Variants in CSMD3 observed in about 807,000 individuals in gnomAD.
CSMD3 encodes the protein CUB and sushi domain-containing protein 3.
In CSMD3, 177 loss-of-function variants were observed where a neutral mutation model predicts 435.2. The ratio of observed to expected loss-of-function variants is 0.41; its 90% CI spans 0.36 to 0.46. The LOEUF (loss-of-function observed/expected upper bound fraction) is 0.46, where lower values mean the gene tolerates loss of function less well. Among genes scored for constraint, CSMD3 ranks in the 20% least tolerant of loss-of-function variants. The pLI is 0.34. For synonymous variants in CSMD3, 1,656 were observed against 1,520.5 expected, an observed-to-expected ratio of 1.09 and a Z score of -2.07; for missense variants, 4,265 against 4,504.6, an observed-to-expected ratio of 0.95 and a Z score of 1.52.
chr8:112,545,342 G>A (rs915279701), intron 27 of CSMD3, among the ~76,000 whole-genome samples: 4 of 151,478 alleles, frequency 2.6e-5, no homozygotes, highest in African/African-American at 9.7e-5. Context: ...AATTATCTGG[G>A]CCTGGTGGCA....
rs193125522 is a variant in CSMD3, at chr8:112,977,899, C to T, written c.1031-1751G>A. ...CTAATATTTGATAATAATTTTTTAA[C>T]CACATGGTTAAGCAATAGCTATGCT... On this transcript the variant is annotated intron_variant, in intron 6 of 70. Coordinates refer to ENST00000297405, the MANE Select transcript of CSMD3 (RefSeq NM_198123.2). 7.9e-5 allele frequency among the ~76,000 whole-genome samples: 12 copies of T among 151,990 alleles called. No individual in the cohort carries two copies. The East Asian group carries it at 2.3e-3, about 29-fold the overall frequency.
At chr8:112,259,125 T>C (rs1206233338) in intron 61 of CSMD3, among the ~76,000 whole-genome samples, 1 of 152,066 alleles carries the variant, frequency 6.6e-6, no homozygotes, top group Non-Finnish European at 1.5e-5. Context: ...ATCATTCTAC[T>C]ATAAAGACAC....
At chr8:113,033,772 TG>T (rs2087224962) in intron 5 of CSMD3, among the ~76,000 whole-genome samples, 1 of 151,228 alleles carries the variant, frequency 6.6e-6, no homozygotes, top group Admixed American at 6.6e-5. Context: ...TGGGAGGGTC[TG>T]GGGTGGAATA....
intron 7 of CSMD3, among the ~76,000 whole-genome samples, chr8:112,957,509 AGT>A (rs1161965873): frequency 6.6e-6 from 1 of 152,162 alleles, no homozygotes; most frequent in African/African-American, 2.4e-5. Flanking sequence ...GCTGGAGTGC[AGT>A]GGCGCGATCT....
At chr8:112,475,599 C>G (rs1393180697) in intron 31 of CSMD3, among the ~76,000 whole-genome samples, 1 of 151,966 alleles carries the variant, frequency 6.6e-6, no homozygotes, top group Non-Finnish European at 1.5e-5. Flanking sequence ...ATTTGTTTTA[C>G]CTTAGGTTGG....
At chr8:112,562,552 A>C (rs1165588806) in intron 24 of CSMD3, among the ~76,000 whole-genome samples, 1 of 151,344 alleles carries the variant, frequency 6.6e-6, no homozygotes, top group Non-Finnish European at 1.5e-5. Flanking sequence ...TGTTAGCTAA[A>C]TACATTAGAG....
At chr8:113,208,650 G>T (rs1280988315) in intron 3 of CSMD3, among the ~76,000 whole-genome samples, 1 of 151,868 alleles carries the variant, frequency 6.6e-6, no homozygotes, top group African/African-American at 2.4e-5. Flanking sequence ...ACTATGGAGT[G>T]CATATCACAT....
intron 24 of CSMD3, among the ~76,000 whole-genome samples, chr8:112,569,207 T>A (rs1829301942): frequency 6.6e-6 from 1 of 152,114 alleles, no homozygotes; most frequent in African/African-American, 2.4e-5. Flanking sequence ...ATAGTTACAG[T>A]AGCCAACTTG....
chr8:112,819,398 T>C (rs1270528346), intron 12 of CSMD3, among the ~76,000 whole-genome samples: 1 of 152,194 alleles, frequency 6.6e-6, no homozygotes, highest in African/African-American at 2.4e-5. Flanking sequence ...AGAGAAATCA[T>C]ATAAGTCTTA....
At chr8:112,405,201 A>AC (rs1831680309) in intron 35 of CSMD3, among the ~76,000 whole-genome samples, 1 of 40,502 alleles carries the variant, frequency 2.5e-5, no homozygotes, top group Non-Finnish European at 5.3e-5. Flanking sequence ...AAAAAAAAAA[A>AC]AAAAAAAACC....
chr8:112,373,985 C>T (rs1828702326), intron 38 of CSMD3, among the ~76,000 whole-genome samples: 2 of 152,132 alleles, frequency 1.3e-5, no homozygotes, highest in South Asian at 4.1e-4. Flanking sequence ...CTGTTCTTAG[C>T]AATGCAGCCA....
intron 53 of CSMD3, 113 bp downstream of exon 53, chr8:112,301,680 C>T (rs1399990688): frequency 1.3e-6 from 1 of 797,326 alleles, no homozygotes; most frequent in Non-Finnish European, 2.1e-6. Flanking sequence ...TGGTTTTTAA[C>T]ATACTTACTG....
intron 32 of CSMD3, among the ~76,000 whole-genome samples, chr8:112,440,534 G>A (rs1814883371): frequency 1.3e-5 from 2 of 152,164 alleles, no homozygotes; most frequent in South Asian, 2.1e-4. Context: ...TGGATACTCT[G>A]TGTCGGTGCT....
intron 61 of CSMD3, among the ~76,000 whole-genome samples, chr8:112,256,707 G>A (rs144367144): frequency 3.7e-4 from 57 of 152,198 alleles, no homozygotes; most frequent in African/African-American, 1.3e-3. Flanking sequence ...TAAATTTAAC[G>A]ATTTTCAAAT....
intron 32 of CSMD3, among the ~76,000 whole-genome samples, chr8:112,431,607 C>A (rs1236594875): frequency 2.6e-5 from 4 of 152,058 alleles, no homozygotes; most frequent in Non-Finnish European, 5.9e-5. Flanking sequence ...TGGATGAATT[C>A]TGTATAGTGC....
rs767203561 is a variant in CSMD3, at chr8:112,405,209, ACCC to A, written c.5809+1312_5809+1314del. On this transcript the variant is annotated intron_variant, in intron 35 of 70. Transcript: ENST00000297405. ...AAAAAAAAAAAAAAAAAAAAAAAAA[ACCC>A]CCATATATATATATATATATATATA... 1.4e-3 allele frequency among the ~76,000 whole-genome samples: 45 copies of A among 31,490 alleles called. 11 individuals carry two copies. The highest frequency in any genetic ancestry group is 1.7e-3 in the Non-Finnish European group (28 of 16,758). The allele number at this position is 31,490 out of a possible 152,430, so 20.7% of individuals were successfully genotyped here.
chr8:112,475,994 C>T (rs978491443), intron 31 of CSMD3, among the ~76,000 whole-genome samples: 5 of 152,130 alleles, frequency 3.3e-5, no homozygotes, highest in African/African-American at 1.2e-4. Flanking sequence ...CCCACTGCTC[C>T]TGATTATAAC....
rs559244234 is a variant in CSMD3 at position 112,557,953 on chromosome 8, G to A, written c.4043-999C>T. Reference sequence around the variant, plus strand: ...TGGCATCTGAAGTGTGGGCATTCTTGTCGGATTGAGCCCCTAAACTGTGGG... The same window carrying A: ...TGGCATCTGAAGTGTGGGCATTCTTATCGGATTGAGCCCCTAAACTGTGGG... On this transcript the variant is annotated intron_variant, in intron 24 of 70. Coordinates refer to ENST00000297405, the MANE Select transcript of CSMD3 (RefSeq NM_198123.2). Among the ~76,000 whole-genome samples the A allele has an allele frequency of 2.6e-5, 4 of 152,040 alleles. No individual in the cohort carries two copies. The South Asian group carries it at 8.3e-4, about 32-fold the overall frequency.
intron 13 of CSMD3, among the ~76,000 whole-genome samples, chr8:112,700,732 T>C (rs965456943): frequency 3.3e-5 from 5 of 152,056 alleles, no homozygotes; most frequent in Non-Finnish European, 7.4e-5. Context: ...AATTGCAACA[T>C]AAACTACTAT....
Sources: gnomAD v4.1 joint callset for allele counts (sites outside exome capture counted in the v4.1 genomes callset) on GRCh38, gnomAD v4.1.1 for gene constraint, MANE v1.5 for transcripts, NCBI Gene and HGNC (gene_info 2026-07-23, HGNC 2026-07-21) for gene names.